Variants in DNAH7 observed in about 807,000 individuals in gnomAD.
The protein encoded by DNAH7 is axonemal beta dynein heavy chain 7.
DNAH7 carries 397 observed loss-of-function variants against 444.6 expected under a neutral mutation model. The observed-to-expected ratio is 0.89, with a 90% CI of 0.82 to 0.97. The LOEUF (loss-of-function observed/expected upper bound fraction) is 0.97. DNAH7 is among the 50% of genes least tolerant of loss of function. DNAH7 has a pLI of 0.00. For synonymous variants in DNAH7, 1,636 were observed against 1,624.4 expected, an observed-to-expected ratio of 1.01 and a Z score of -0.17; for missense variants, 4,902 against 4,800.8, an observed-to-expected ratio of 1.02 and a Z score of -0.62.
chr2:196,021,482 C>T (rs1427956571), intron 8 of DNAH7, among the ~76,000 whole-genome samples: 1 of 152,050 alleles, frequency 6.6e-6, no homozygotes, highest in Non-Finnish European at 1.5e-5. Context: ...TATGTTTATG[C>T]TATACTGTAG....
chr2:196,003,496 G>C (rs1394112791), intron 10 of DNAH7, among the ~76,000 whole-genome samples: 1 of 152,134 alleles, frequency 6.6e-6, no homozygotes, highest in Non-Finnish European at 1.5e-5. Flanking sequence ...AATTCTCAAA[G>C]TGCTTAATAG....
At chr2:195,913,967 G>A (rs1302536583) in intron 24 of DNAH7, among the ~76,000 whole-genome samples, 1 of 152,144 alleles carries the variant, frequency 6.6e-6, no homozygotes, top group African/African-American at 2.4e-5. Flanking sequence ...GCCTGCCTTG[G>A]CCTCTCAAAG....
chr2:196,018,005 A>C (rs1475937634), intron 9 of DNAH7, among the ~76,000 whole-genome samples: 1 of 152,130 alleles, frequency 6.6e-6, no homozygotes, highest in African/African-American at 2.4e-5. Context: ...CAATGGACAA[A>C]TTATAAACCT....
intron 5 of DNAH7, among the ~76,000 whole-genome samples, chr2:196,044,772 T>C (rs1414259356): frequency 1.3e-5 from 2 of 152,038 alleles, no homozygotes; most frequent in East Asian, 1.9e-4. Context: ...TTTATTCTCA[T>C]TGAAAGAACT....
In DNAH7 at chr2:195,864,511, C is replaced by G; in HGVS notation, c.7144G>C (p.Val2382Leu). The G allele has an allele frequency of 1.2e-6, 2 of 1,614,170 alleles. No individual in the cohort carries two copies. The highest frequency in any genetic ancestry group is 1.7e-6 in the Non-Finnish European group (2 of 1,180,030). ...DTTEWHEDLK[V>L]ILRKCAEGEM... ...CCTTCCGCACATTTCCTTAAGATCA[C>G]TTTTAAATCTTCATGCCATTCAGTA... Residue 2382 changes from valine (V) to leucine (L), a missense_variant, in exon 41 of 65, where the codon GTG (valine) becomes CTG (leucine). Transcript: ENST00000312428.
Position 195,884,598 on chromosome 2 carries a change from TGATA to T in DNAH7, c.5746_5749del (p.Tyr1916AsnfsTer7). 6.2e-7 allele frequency: 1 copy of T among 1,613,812 alleles called. No individual in the cohort carries two copies. The highest frequency in any genetic ancestry group is 1.3e-5 in the African/African-American group (1 of 75,058). On this transcript the variant is annotated frameshift_variant, in exon 35 of 65. Coordinates refer to ENST00000312428, the MANE Select transcript of DNAH7 (RefSeq NM_018897.3). LOFTEE classifies it high-confidence loss of function. ...CAGAACTCTTACCTCAGTGACAAATTGATAATCATAAATTGTTCCTTTTTCAGGA... is the reference window on the plus strand; with the variant it reads ...CAGAACTCTTACCTCAGTGACAAATTATCATAAATTGTTCCTTTTTCAGGA...
intron 19 of DNAH7, among the ~76,000 whole-genome samples, chr2:195,956,715 T>C (rs1184907656): frequency 6.6e-6 from 1 of 152,220 alleles, no homozygotes. Flanking sequence ...TACTGGTTTT[T>C]ATTAAATTCT....
chr2:196,056,145 C>T (rs1697787346), intron 2 of DNAH7, among the ~76,000 whole-genome samples: 1 of 152,074 alleles, frequency 6.6e-6, no homozygotes, highest in East Asian at 1.9e-4. Flanking sequence ...CTTCTCACAT[C>T]AAGAAAATAT....
chr2:196,015,664 C>T (rs958079126), intron 9 of DNAH7, among the ~76,000 whole-genome samples: 1 of 152,156 alleles, frequency 6.6e-6, no homozygotes, highest in African/African-American at 2.4e-5. Context: ...AGCATCTTAT[C>T]AGGTTTCCAA....
chr2:195,855,620 A>C (rs1220127398), intron 45 of DNAH7, among the ~76,000 whole-genome samples, 191 bp downstream of exon 45: 2 of 152,158 alleles, frequency 1.3e-5, no homozygotes, highest in African/African-American at 4.8e-5. Context: ...TAATTATTTT[A>C]AAATGTCAAA....
At chr2:195,952,566 A>G (rs116040515) in intron 19 of DNAH7, among the ~76,000 whole-genome samples, 237 of 152,254 alleles carry the variant, frequency 1.6e-3, no homozygotes, top group Middle Eastern at 3.4e-3. Context: ...AGGTACACCA[A>G]TCAAACATGC....
chr2:195,955,619 A>C (rs1449267214), intron 19 of DNAH7, among the ~76,000 whole-genome samples: 2 of 152,170 alleles, frequency 1.3e-5, no homozygotes, highest in Non-Finnish European at 2.9e-5. Flanking sequence ...TCATAGGATA[A>C]AAATTTGCCT....
At chr2:195,990,754 G>GT (rs1693246765) in intron 12 of DNAH7, among the ~76,000 whole-genome samples, 1 of 146,694 alleles carries the variant, frequency 6.8e-6, no homozygotes, top group Non-Finnish European at 1.5e-5. Flanking sequence ...GTACCATGAT[G>GT]TTTAGGTTAC....
chr2:195,804,070 C>T (rs571064300), intron 54 of DNAH7, among the ~76,000 whole-genome samples: 1 of 152,136 alleles, frequency 6.6e-6, no homozygotes, highest in East Asian at 1.9e-4. Flanking sequence ...AAGGAGACCC[C>T]CCCCAAATTG....
chr2:195,814,139 A>G (rs1697112514), intron 51 of DNAH7, among the ~76,000 whole-genome samples: 1 of 152,218 alleles, frequency 6.6e-6, no homozygotes, highest in South Asian at 2.1e-4. Context: ...TTGCTCACTT[A>G]TGAGAATTCA....
Position 195,906,800 on chromosome 2 carries a change from G to A in DNAH7, c.4208-14C>T. On this transcript the variant is annotated splice_polypyrimidine_tract_variant and intron_variant, in intron 26 of 64. Transcript: ENST00000312428. ...CTGCATTAATACCTGTAGGTAATCA[G>A]GAATGAAATGACTTAGTAATACCAC... is the stretch of plus-strand genomic sequence containing the variant. The A allele has an allele frequency of 6.2e-7, 1 of 1,612,638 alleles. No individual in the cohort carries two copies. Among genetic ancestry groups the A allele is most frequent in the South Asian group, 1.1e-5 (1 of 90,926 alleles).
At chr2:195,977,883 A>G (rs1283771400) in intron 15 of DNAH7, among the ~76,000 whole-genome samples, 1 of 152,226 alleles carries the variant, frequency 6.6e-6, no homozygotes, top group Non-Finnish European at 1.5e-5. Context: ...ATCCTAGAAT[A>G]GCAAATCTGG....
chr2:196,005,161 C>T (rs1694288115), intron 10 of DNAH7, among the ~76,000 whole-genome samples: 1 of 151,690 alleles, frequency 6.6e-6, no homozygotes, highest in Non-Finnish European at 1.5e-5. Flanking sequence ...GTAGTCCGAG[C>T]TACTCAGGAG....
rs182270960 is a variant in DNAH7, at chr2:195,771,580, T to C, written c.11433+80A>G. 1,518 of 1,046,882 alleles carry C rather than the reference T, an allele frequency of 1.5e-3. 29 individuals are homozygous for C. In the Admixed American group the frequency reaches 0.026, roughly 18 times the overall value. 64.8% of individuals were successfully genotyped at this position (1,046,882 alleles called of 1,614,324 possible). ...CCCAAAACAGTGCTTATACAGTATTTGTGCTAAACAAGTATTTGCTAAATA... is the reference window on the plus strand; with the variant it reads ...CCCAAAACAGTGCTTATACAGTATTCGTGCTAAACAAGTATTTGCTAAATA... On this transcript the variant is annotated intron_variant, in intron 61 of 64. Transcript: ENST00000312428.
Sources: gnomAD v4.1 joint callset for allele counts (sites outside exome capture counted in the v4.1 genomes callset) on GRCh38, gnomAD v4.1.1 for gene constraint, MANE v1.5 for transcripts, NCBI Gene and HGNC (gene_info 2026-07-23, HGNC 2026-07-21) for gene names.